Variants in RTL4 observed in about 807,000 individuals in gnomAD.
RTL4 encodes retrotransposon Gag like 4.
RTL4 carries 4 observed loss-of-function variants against 5.3 expected under a neutral mutation model. That is an observed-to-expected ratio of 0.75 (90% CI 0.37 to 1.72). The LOEUF is 1.72. Among genes scored for constraint, RTL4 ranks in the 40% most tolerant of loss-of-function variants. The probability of loss-of-function intolerance (pLI) is 0.04; values close to 1 mark genes in which losing one functional copy is unlikely to be tolerated. For missense variants in RTL4, 260 were observed against 227.1 expected (o/e 1.14, Z -0.93); for synonymous variants, 98 against 87.3 (o/e 1.12, Z -0.68).
At chrX:112,236,676 A>C in the RTL4 span, among the ~76,000 whole-genome samples, 1 of 107,214 alleles carries the variant, frequency 9.3e-6, no homozygotes, top group Non-Finnish European at 1.9e-5. Context: ...GAGACATCAG[A>C]GACAAATTGT....
chrX:112,362,395 G>A, the RTL4 span, among the ~76,000 whole-genome samples: 4 of 111,790 alleles, frequency 3.6e-5, no homozygotes, highest in East Asian at 2.8e-4. Flanking sequence ...ACGATAACAT[G>A]TTAGAAAATG....
At chrX:112,407,565 G>T in the RTL4 span, among the ~76,000 whole-genome samples, 1 of 112,581 alleles carries the variant, frequency 8.9e-6, no homozygotes, top group Non-Finnish European at 1.9e-5. Flanking sequence ...CACACCTGGG[G>T]CCTGGAGGCA....
At chrX:112,304,639 CTTTTTTTTTTTT>C in the RTL4 span, among the ~76,000 whole-genome samples, 2 of 48,372 alleles carry the variant, frequency 4.1e-5, no homozygotes, top group African/African-American at 8.1e-5. Flanking sequence ...TTTCCCACAT[CTTTTTTTTTTTT>C]TTTTTTTTTT....
the RTL4 span, among the ~76,000 whole-genome samples, chrX:112,236,342 C>T: frequency 3.0e-5 from 3 of 100,280 alleles, no homozygotes; most frequent in Non-Finnish European, 4.0e-5. Context: ...GAATTAAATG[C>T]GCTTTCTTTC....
chrX:112,132,352 G>A, the RTL4 span, among the ~76,000 whole-genome samples: 1 of 110,756 alleles, frequency 9.0e-6, no homozygotes, highest in Non-Finnish European at 1.9e-5. Flanking sequence ...CCTTTTCCTG[G>A]AGTTTTCAGG....
chrX:112,269,779 G>A, the RTL4 span, among the ~76,000 whole-genome samples: 1 of 111,620 alleles, frequency 9.0e-6, no homozygotes, highest in East Asian at 2.8e-4. Context: ...CAGTCCTCAA[G>A]ACAATTCATT....
At chrX:112,409,272 G>T in the RTL4 span, among the ~76,000 whole-genome samples, 4 of 112,089 alleles carry the variant, frequency 3.6e-5, 1 homozygote, top group Admixed American at 3.8e-4. Context: ...TAAAAAGCTT[G>T]GAGACAAAGT....
At chrX:112,377,195 T>C in the RTL4 span, among the ~76,000 whole-genome samples, 1 of 111,968 alleles carries the variant, frequency 8.9e-6, no homozygotes, top group Non-Finnish European at 1.9e-5. Flanking sequence ...ATAGAGGTTC[T>C]AGAGGCAGCA....
At chrX:112,215,693 T>C in the RTL4 span, among the ~76,000 whole-genome samples, 10 of 112,420 alleles carry the variant, frequency 8.9e-5, no homozygotes, top group African/African-American at 3.2e-4. Flanking sequence ...TCCACTCATC[T>C]GTTGATAGAT....
At chrX:112,300,849 T>C in the RTL4 span, among the ~76,000 whole-genome samples, 1 of 111,759 alleles carries the variant, frequency 8.9e-6, no homozygotes, top group Non-Finnish European at 1.9e-5. Flanking sequence ...GCCTAGACCA[T>C]ATATTGTGTG....
At chrX:112,165,142 T>A in the RTL4 span, among the ~76,000 whole-genome samples, 17 of 112,047 alleles carry the variant, frequency 1.5e-4, no homozygotes, top group African/African-American at 5.5e-4. Context: ...GTCATGGCTA[T>A]CCTTCACATT....
chrX:112,168,156 C>T, the RTL4 span, among the ~76,000 whole-genome samples: 1 of 111,188 alleles, frequency 9.0e-6, no homozygotes, highest in African/African-American at 3.3e-5. Context: ...AGCACCACTG[C>T]ACTTTGTGTG....
At chrX:112,367,432 T>C in the RTL4 span, among the ~76,000 whole-genome samples, 1 of 111,931 alleles carries the variant, frequency 8.9e-6, no homozygotes, top group African/African-American at 3.2e-5. Context: ...AGCGCCACAC[T>C]GTGCTTAATG....
At chrX:112,315,673 G>A in the RTL4 span, among the ~76,000 whole-genome samples, 1 of 111,517 alleles carries the variant, frequency 9.0e-6, no homozygotes, top group East Asian at 2.8e-4. Flanking sequence ...GCATTTTAAT[G>A]TGTGGAAATG....
chrX:112,371,719 T>C, the RTL4 span, among the ~76,000 whole-genome samples: 7 of 111,932 alleles, frequency 6.3e-5, no homozygotes, highest in African/African-American at 2.3e-4. Context: ...TATCTATGTA[T>C]AATAATTCTC....
chrX:112,117,757 C>T, the RTL4 span, among the ~76,000 whole-genome samples: 8 of 111,587 alleles, frequency 7.2e-5, no homozygotes, highest in East Asian at 1.7e-3. Context: ...TTGTGTAAGA[C>T]ATTTTGACTA....
chrX:112,170,505 T>C, the RTL4 span, among the ~76,000 whole-genome samples: 3 of 111,666 alleles, frequency 2.7e-5, no homozygotes, highest in Non-Finnish European at 5.6e-5. Context: ...TTATTCTCTT[T>C]GTAGCAATTG....
the RTL4 span, among the ~76,000 whole-genome samples, chrX:112,385,932 G>T: frequency 9.0e-6 from 1 of 111,720 alleles, no homozygotes; most frequent in Admixed American, 9.5e-5. Context: ...GAAGATATCT[G>T]GATTTACTGG....
At chrX:112,161,272 G>A in the RTL4 span, among the ~76,000 whole-genome samples, 3 of 111,595 alleles carry the variant, frequency 2.7e-5, no homozygotes, top group African/African-American at 9.8e-5. Context: ...GTGCCTATGT[G>A]GTGGTGTATG....
Sources: gnomAD v4.1 joint callset for allele counts (sites outside exome capture counted in the v4.1 genomes callset) on GRCh38, gnomAD v4.1.1 for gene constraint, MANE v1.5 for transcripts, NCBI Gene and HGNC (gene_info 2026-07-23, HGNC 2026-07-21) for gene names.